The following LRRK2 variants were observed in gnomAD, a reference collection of about 807,000 sequenced individuals.
LRRK2 encodes leucine-rich repeat serine/threonine-protein kinase 2.
LRRK2 carries 203 observed loss-of-function variants against 302.6 expected under a neutral mutation model. That is an observed-to-expected ratio of 0.67 (90% CI 0.60 to 0.75). The LOEUF is 0.75. LRRK2 is among the 30% of genes least tolerant of loss of function. The probability of loss-of-function intolerance (pLI) is 0.00; values close to 1 mark genes in which losing one functional copy is unlikely to be tolerated. For synonymous variants in LRRK2, 1,066 were observed against 1,031.9 expected, an observed-to-expected ratio of 1.03 and a Z score of -0.63; for missense variants, 2,830 against 2,951.0, an observed-to-expected ratio of 0.96 and a Z score of 0.95.
chr12:40,267,213 C>A (rs919451611), intron 14 of LRRK2, among the ~76,000 whole-genome samples: 2 of 152,162 alleles, frequency 1.3e-5, no homozygotes, highest in African/African-American at 4.8e-5. Context: ...GACTACAATG[C>A]AAATGCTGAA....
At chr12:40,356,258 C>T in intron 46 of LRRK2, 71 bp downstream of exon 46, 1 of 1,066,246 alleles carries the variant, frequency 9.4e-7, no homozygotes, top group Admixed American at 2.3e-5. Flanking sequence ...TCACACCCCT[C>T]TTATGGGATT....
chr12:40,234,503 C>T (rs777532631), intron 3 of LRRK2, among the ~76,000 whole-genome samples: 5 of 149,438 alleles, frequency 3.3e-5, no homozygotes, highest in East Asian at 4.0e-4. Context: ...CTCAGCCTCT[C>T]GAGTAGCTGG....
At chr12:40,350,563 G>T (rs1236564211) in intron 43 of LRRK2, among the ~76,000 whole-genome samples, 1 of 152,080 alleles carries the variant, frequency 6.6e-6, no homozygotes, top group Admixed American at 6.5e-5. Flanking sequence ...ATAAATGTGG[G>T]TTATCTTTAT....
intron 25 of LRRK2, among the ~76,000 whole-genome samples, chr12:40,300,302 A>G (rs1944576835): frequency 6.6e-6 from 1 of 152,190 alleles, no homozygotes; most frequent in Non-Finnish European, 1.5e-5. Flanking sequence ...ATATGAAATA[A>G]TAGAGGAAAT....
At chr12:40,279,883 G>A (rs1201258779) in intron 18 of LRRK2, among the ~76,000 whole-genome samples, 2 of 152,206 alleles carry the variant, frequency 1.3e-5, no homozygotes, top group Non-Finnish European at 2.9e-5. Flanking sequence ...ATTAAATCTT[G>A]TGGATGAGTT....
At chr12:40,265,654 A>G (rs1942976467) in intron 14 of LRRK2, among the ~76,000 whole-genome samples, 1 of 152,216 alleles carries the variant, frequency 6.6e-6, no homozygotes, top group South Asian at 2.1e-4. Context: ...ATCTCCACCC[A>G]GGGGTGTGTG....
At position 40,305,768 on chromosome 12, in the gene LRRK2, T is replaced by C. The variant is rs767082916; in HGVS notation, c.3778-17T>C. On this transcript the variant is annotated splice_polypyrimidine_tract_variant and intron_variant, in intron 27 of 50. Transcript: ENST00000298910. Reference sequence around the variant, plus strand: ...TCCTTCCCACCAACAGGTTTTGCCCTTTTTTTTCCCATTAAGATTCCTCCT... The same window carrying C: ...TCCTTCCCACCAACAGGTTTTGCCCCTTTTTTTCCCATTAAGATTCCTCCT... 1.2e-6 allele frequency: 2 copies of C among 1,605,282 alleles called. No individual in the cohort carries two copies. The highest frequency in any genetic ancestry group is 2.2e-5 in the South Asian group (2 of 90,832).
At chr12:40,289,400 C>T (rs1038592823) in intron 20 of LRRK2, among the ~76,000 whole-genome samples, 7 of 151,102 alleles carry the variant, frequency 4.6e-5, no homozygotes, top group Admixed American at 2.6e-4. Flanking sequence ...CTTTGCATTT[C>T]CATATAAATT....
rs142998392 is a variant in LRRK2 at position 40,323,190 on chromosome 12, G to A, written c.5540G>A (p.Arg1847Lys). The A allele has an allele frequency of 4.2e-5, 67 of 1,613,078 alleles. No individual in the cohort carries two copies. The highest frequency in any genetic ancestry group is 5.3e-5 in the Non-Finnish European group (63 of 1,179,430). ...GDLLVNPDQP[R>K]LTIPISQIAP... ...CTCTTAGTAAATCCAGATCAACCAA[G>A]GCTCACCATTCCAATATCTCAGATT... The change falls in exon 38 of 51, where the codon AGG becomes AAG. Residue 1847 changes from arginine to lysine, a missense_variant. Physicochemically the swap from Arg to Lys is conservative, Grantham distance 26 (BLOSUM62 2). Transcript: ENST00000298910.
chr12:40,256,181 T>G (rs1349291405), intron 11 of LRRK2, among the ~76,000 whole-genome samples: 1 of 152,212 alleles, frequency 6.6e-6, no homozygotes, highest in East Asian at 1.9e-4. Flanking sequence ...TTGTGGTGGC[T>G]CACGCCTGTA....
chr12:40,336,827 C>G (rs1335644645), intron 40 of LRRK2, among the ~76,000 whole-genome samples: 2 of 152,040 alleles, frequency 1.3e-5, no homozygotes, highest in Non-Finnish European at 2.9e-5. Context: ...ATTTCAGTGC[C>G]CTCTTTCCTT....
At chr12:40,257,661 A>G (rs573529165) in intron 12 of LRRK2, among the ~76,000 whole-genome samples, 7 of 152,244 alleles carry the variant, frequency 4.6e-5, no homozygotes, top group Non-Finnish European at 8.8e-5. Flanking sequence ...AGCACATAGC[A>G]TACAGCAGTT....
At chr12:40,279,666 T>C (rs2136633969) in intron 18 of LRRK2, among the ~76,000 whole-genome samples, 1 of 152,336 alleles carries the variant, frequency 6.6e-6, no homozygotes, top group African/African-American at 2.4e-5. Context: ...CAGGAAATCA[T>C]TTCTACTATT....
chr12:40,308,291 T>C (rs1191357407), intron 28 of LRRK2, among the ~76,000 whole-genome samples, 176 bp from the exon 29 acceptor site: 1 of 152,174 alleles, frequency 6.6e-6, no homozygotes, highest in Non-Finnish European at 1.5e-5. Flanking sequence ...CTAAAATCTC[T>C]AGCAAAATAT....
intron 1 of LRRK2, 110 bp downstream of exon 1, chr12:40,225,392 A>T (rs1290497350): frequency 2.2e-6 from 3 of 1,377,964 alleles, no homozygotes; most frequent in Non-Finnish European, 3.0e-6. Context: ...CCGGACTCTT[A>T]AGGAGCCGCA....
chr12:40,355,126 G>A (rs904899567), intron 45 of LRRK2, among the ~76,000 whole-genome samples: 2 of 152,058 alleles, frequency 1.3e-5, no homozygotes, highest in African/African-American at 2.4e-5. Context: ...GTTTAAGTTA[G>A]TATTGGAAAA....
intron 4 of LRRK2, among the ~76,000 whole-genome samples, chr12:40,237,419 C>T (rs994355076): frequency 6.6e-6 from 1 of 152,112 alleles, no homozygotes; most frequent in Non-Finnish European, 1.5e-5. Flanking sequence ...ATGAAGGTGC[C>T]TTGTTCAAAA....
chr12:40,243,818 ATAAAT>A, intron 7 of LRRK2, 137 bp downstream of exon 7: 1 of 890,610 alleles, frequency 1.1e-6, no homozygotes, highest in Non-Finnish European at 1.7e-6. Context: ...CCCAGAAAAA[ATAAAT>A]TAAAACAAAA....
chr12:40,332,222 G>T (rs908432179), intron 39 of LRRK2, among the ~76,000 whole-genome samples: 1 of 152,184 alleles, frequency 6.6e-6, no homozygotes, highest in African/African-American at 2.4e-5. Flanking sequence ...TGATGTTGGG[G>T]TCACTTCCCC....
Sources: gnomAD v4.1 joint callset for allele counts (sites outside exome capture counted in the v4.1 genomes callset) on GRCh38, gnomAD v4.1.1 for gene constraint, MANE v1.5 for transcripts, NCBI Gene and HGNC (gene_info 2026-07-23, HGNC 2026-07-21) for gene names.